Variants in TP63 observed in about 807,000 individuals in gnomAD.
The protein encoded by TP63 is tumor protein p63.
Under a neutral mutation model 82.8 loss-of-function variants are expected in TP63, and 17 were observed. The ratio of observed to expected loss-of-function variants is 0.21; its 90% confidence interval spans 0.14 to 0.31. The LOEUF (loss-of-function observed/expected upper bound fraction) is 0.31, where lower values mean the gene tolerates loss of function less well. Ranked by LOEUF, TP63 falls within the 10% of genes least tolerant of loss-of-function variation. The pLI, the probability that TP63 is intolerant of heterozygous loss-of-function variation, is 1.00. For synonymous variants in TP63, 330 were observed against 321.7 expected, an observed-to-expected ratio of 1.03 and a Z score of -0.28; for missense variants, 648 against 895.3, an observed-to-expected ratio of 0.72 and a Z score of 3.52.
chr3:189,598,634 C>T, the TP63 span, among the ~76,000 whole-genome samples: 28 of 152,278 alleles, frequency 1.8e-4, no homozygotes, highest in African/African-American at 4.8e-4. Context: ...GATATCAGCC[C>T]GATAACAGAA....
chr3:189,686,941 G>A (rs1716499545), intron 1 of TP63, among the ~76,000 whole-genome samples: 1 of 152,016 alleles, frequency 6.6e-6, no homozygotes, highest in Admixed American at 6.6e-5. Flanking sequence ...ATATTGGTCA[G>A]GCTGGTCTTG....
chr3:189,718,388 C>T (rs1195037855), intron 1 of TP63, among the ~76,000 whole-genome samples: 2 of 151,282 alleles, frequency 1.3e-5, no homozygotes, highest in Admixed American at 6.6e-5. Context: ...AGGAAACTGA[C>T]AACCATGACA....
the TP63 span, among the ~76,000 whole-genome samples, chr3:189,609,468 G>A: frequency 6.6e-6 from 1 of 151,970 alleles, no homozygotes; most frequent in Non-Finnish European, 1.5e-5. Context: ...ATGGGGGGTT[G>A]TTGTACATAT....
chr3:189,780,801 C>G (rs1724172905), intron 3 of TP63, among the ~76,000 whole-genome samples: 1 of 152,170 alleles, frequency 6.6e-6, no homozygotes, highest in Admixed American at 6.5e-5. Context: ...GTTTGTCATA[C>G]CTAAATTACT....
the TP63 span, among the ~76,000 whole-genome samples, chr3:189,600,162 T>A: frequency 6.6e-6 from 1 of 152,074 alleles, no homozygotes; most frequent in East Asian, 1.9e-4. Flanking sequence ...CCCAGAAGAG[T>A]TTGACAAAAC....
At chr3:189,807,970 G>A (rs777546882) in intron 3 of TP63, among the ~76,000 whole-genome samples, 18 of 152,136 alleles carry the variant, frequency 1.2e-4, no homozygotes, top group Non-Finnish European at 1.5e-4. Context: ...ACTGAGCACT[G>A]GGAACGTTTT....
At chr3:189,597,722 C>T in the TP63 span, among the ~76,000 whole-genome samples, 1 of 152,002 alleles carries the variant, frequency 6.6e-6, no homozygotes, top group Non-Finnish European at 1.5e-5. Context: ...TTCAGGAGTT[C>T]AAGACCAGCC....
At chr3:189,833,163 T>C (rs76308590) in intron 4 of TP63, among the ~76,000 whole-genome samples, 7,533 of 152,322 alleles carry the variant, frequency 0.049, 219 homozygotes, top group Non-Finnish European at 0.062. Flanking sequence ...AGCCTTTTGT[T>C]ATTCATTACT....
At chr3:189,765,618 A>C (rs1451629398) in intron 3 of TP63, among the ~76,000 whole-genome samples, 4 of 150,986 alleles carry the variant, frequency 2.6e-5, no homozygotes, top group Non-Finnish European at 5.9e-5. Flanking sequence ...TATTTTTAGT[A>C]GAGACAGGGT....
chr3:189,802,304 C>T (rs1416480778), intron 3 of TP63, among the ~76,000 whole-genome samples: 11 of 152,128 alleles, frequency 7.2e-5, no homozygotes, highest in African/African-American at 1.9e-4. Flanking sequence ...AAAGCACCTC[C>T]GTGAAGCCTC....
At chr3:189,795,383 G>A (rs1725586910) in intron 3 of TP63, among the ~76,000 whole-genome samples, 1 of 152,000 alleles carries the variant, frequency 6.6e-6, no homozygotes, top group African/African-American at 2.4e-5. Flanking sequence ...GTTATGAGGG[G>A]TTCGTAAATG....
At chr3:189,816,396 A>T (rs1039760879) in intron 4 of TP63, among the ~76,000 whole-genome samples, 1 of 152,168 alleles carries the variant, frequency 6.6e-6, no homozygotes, top group Non-Finnish European at 1.5e-5. Flanking sequence ...TCCTGTTCGC[A>T]TTCCCCAAAT....
chr3:189,878,099 C>T (rs148543142), intron 10 of TP63, among the ~76,000 whole-genome samples: 58 of 152,114 alleles, frequency 3.8e-4, no homozygotes, highest in Non-Finnish European at 4.4e-4. Context: ...ACTTGTTTGG[C>T]GATGGTTATC....
At chr3:189,876,739 G>GT (rs1182244411) in intron 10 of TP63, among the ~76,000 whole-genome samples, 1 of 152,096 alleles carries the variant, frequency 6.6e-6, no homozygotes, top group Non-Finnish European at 1.5e-5. Flanking sequence ...CTTCAGCTGA[G>GT]TTTTTTTAGC....
chr3:189,667,256 C>T (rs1256027770), intron 1 of TP63, among the ~76,000 whole-genome samples: 5 of 148,960 alleles, frequency 3.4e-5, no homozygotes, highest in African/African-American at 1.2e-4. Context: ...CTCACTGCGA[C>T]CTCTGCCTCC....
At chr3:189,716,938 A>G (rs1256185151) in intron 1 of TP63, among the ~76,000 whole-genome samples, 1 of 152,058 alleles carries the variant, frequency 6.6e-6, no homozygotes, top group Non-Finnish European at 1.5e-5. Context: ...AGCTGGGACT[A>G]CAGGCGATTG....
chr3:189,629,181 C>T (rs985171857), upstream of TP63, among the ~76,000 whole-genome samples: 1 of 151,842 alleles, frequency 6.6e-6, no homozygotes. Context: ...AGTTTGAGAC[C>T]AGTCAGGGCA....
chr3:189,609,257 C>G, the TP63 span, among the ~76,000 whole-genome samples: 340 of 152,234 alleles, frequency 2.2e-3, 2 homozygotes, highest in African/African-American at 8.0e-3. Context: ...CCAAGTTTAT[C>G]TGATTGAATG....
At chr3:189,719,130 T>C (rs1251761271) in intron 1 of TP63, among the ~76,000 whole-genome samples, 1 of 152,018 alleles carries the variant, frequency 6.6e-6, no homozygotes, top group Non-Finnish European at 1.5e-5. Flanking sequence ...ACAAAAGCCA[T>C]AGACGCACGA....
Sources: allele counts gnomAD v4.1 joint callset (sites outside exome capture counted in the v4.1 genomes callset), GRCh38; gene constraint gnomAD v4.1.1; transcripts MANE v1.5; gene names NCBI Gene and HGNC (gene_info 2026-07-23, HGNC 2026-07-21).